The following LYPD6 variants were observed in gnomAD, a reference collection of about 807,000 sequenced individuals.
The protein encoded by LYPD6 is ly6/PLAUR domain-containing protein 6.
In LYPD6, 15 loss-of-function variants were observed where a neutral mutation model predicts 22.7. The ratio of observed to expected loss-of-function variants is 0.66; its 90% CI spans 0.44 to 1.02. LYPD6 has a LOEUF of 1.02. Among genes scored for constraint, LYPD6 ranks in the 50% least tolerant of loss-of-function variants. The probability of loss-of-function intolerance (pLI) is 0.00; values close to 1 mark genes in which losing one functional copy is unlikely to be tolerated. For synonymous variants in LYPD6, 72 were observed against 77.5 expected, an observed-to-expected ratio of 0.93 and a Z score of 0.37; for missense variants, 189 against 208.4, an observed-to-expected ratio of 0.91 and a Z score of 0.57.
chr2:149,430,193 G>A (rs949590422), intron 1 of LYPD6, among the ~76,000 whole-genome samples: 1 of 152,102 alleles, frequency 6.6e-6, no homozygotes, highest in Non-Finnish European at 1.5e-5. Context: ...TCCGCCTCCC[G>A]GGTTCAAGCA....
At chr2:149,476,545 G>T (rs182114636), downstream of LYPD6, among the ~76,000 whole-genome samples, 13 of 152,114 alleles carry the variant, frequency 8.5e-5, no homozygotes, top group African/African-American at 3.1e-4. Context: ...GACAGGGCTT[G>T]TGTTGTCTAA....
rs545177273 is a variant in LYPD6 at position 149,388,166 on chromosome 2, TTCTC to T, written c.-71-49460_-71-49457del. 9.2e-3 allele frequency among the ~76,000 whole-genome samples: 924 copies of T among 100,116 alleles called. 10 individuals are homozygous for T. Among genetic ancestry groups the T allele is most frequent in the Non-Finnish European group, 0.014 (603 of 42,284 alleles). 65.7% of individuals were successfully genotyped at this position (100,116 alleles called of 152,430 possible). On this transcript the variant is annotated intron_variant, in intron 1 of 4. Coordinates refer to ENST00000334166, the MANE Select transcript of LYPD6 (RefSeq NM_194317.5). ...ATTAAATATGTGTAACTACCTTTCTTTCTCTCTCTCTCTCTTTTTTTTTTTTTTG... is the reference window on the plus strand; with the variant it reads ...ATTAAATATGTGTAACTACCTTTCTTTCTCTCTCTCTTTTTTTTTTTTTTG...
At chr2:149,431,592 A>G (rs1683313825) in intron 1 of LYPD6, among the ~76,000 whole-genome samples, 1 of 152,230 alleles carries the variant, frequency 6.6e-6, no homozygotes, top group Non-Finnish European at 1.5e-5. Flanking sequence ...GGTGATATGA[A>G]TAAACAGTCC....
intron 2 of LYPD6, among the ~76,000 whole-genome samples, chr2:149,441,255 T>C (rs1314141680): frequency 1.3e-5 from 2 of 152,208 alleles, no homozygotes; most frequent in African/African-American, 2.4e-5. Flanking sequence ...ACTTTGTAGA[T>C]GAAGGCACAA....
intron 3 of LYPD6, among the ~76,000 whole-genome samples, chr2:149,453,934 A>G (rs1347075966): frequency 6.6e-6 from 1 of 152,158 alleles, no homozygotes; most frequent in Non-Finnish European, 1.5e-5. Flanking sequence ...ATTATGGCTT[A>G]TCTTTTAACA....
chr2:149,478,400 G>GTGTGTGTGTGCA (rs67247003), downstream of LYPD6, among the ~76,000 whole-genome samples: 1 of 8,586 alleles, frequency 1.2e-4, no homozygotes, highest in African/African-American at 1.8e-4. Flanking sequence ...GTGTGTGTGT[G>GTGTGTGTGTGCA]CGCGCACGCA....
At chr2:149,377,799 C>G (rs1043519585) in intron 1 of LYPD6, among the ~76,000 whole-genome samples, 8 of 136,060 alleles carry the variant, frequency 5.9e-5, no homozygotes, top group Non-Finnish European at 1.1e-4. Flanking sequence ...CCCCACCCCC[C>G]CAAAAAAGCA....
chr2:149,382,331 G>C (rs1167699941), intron 1 of LYPD6, among the ~76,000 whole-genome samples: 3 of 152,152 alleles, frequency 2.0e-5, no homozygotes, highest in Non-Finnish European at 4.4e-5. Flanking sequence ...ATACGCATAA[G>C]TAATATTGGG....
intron 1 of LYPD6, among the ~76,000 whole-genome samples, chr2:149,385,836 GAGA>G (rs1047226702): frequency 6.6e-5 from 10 of 152,084 alleles, no homozygotes; most frequent in African/African-American, 1.9e-4. Context: ...GAGAGAGGCA[GAGA>G]AGAAGTGAGG....
In LYPD6 at chr2:149,387,914, C is replaced by G. The variant is rs562835096; in HGVS notation, c.-71-49724C>G. ...AAGGTGGGGTCTACATGAAATATGACCTTGGTGTTATACTAAGCAGTTTTG... is the reference window on the plus strand; with the variant it reads ...AAGGTGGGGTCTACATGAAATATGAGCTTGGTGTTATACTAAGCAGTTTTG... On this transcript the variant is annotated intron_variant, in intron 1 of 4. Transcript: ENST00000334166. Among the ~76,000 whole-genome samples the G allele has an allele frequency of 1.3e-3, 199 of 152,208 alleles. 1 individual carries two copies. Among genetic ancestry groups the G allele is most frequent in the Non-Finnish European group, 2.0e-3 (137 of 67,998 alleles).
intron 1 of LYPD6, among the ~76,000 whole-genome samples, chr2:149,360,034 G>T (rs1681541515): frequency 6.6e-6 from 1 of 152,162 alleles, no homozygotes; most frequent in African/African-American, 2.4e-5. Flanking sequence ...GAGTTTTCTG[G>T]GAAAGAGGTA....
intron 1 of LYPD6, among the ~76,000 whole-genome samples, chr2:149,431,779 A>T (rs902026423): frequency 1.5e-4 from 23 of 152,348 alleles, no homozygotes; most frequent in African/African-American, 5.3e-4. Context: ...CTCTATCAAA[A>T]TTAAAAACTT....
chr2:149,400,487 C>T (rs553923489), intron 1 of LYPD6, among the ~76,000 whole-genome samples: 147 of 152,210 alleles, frequency 9.7e-4, no homozygotes, highest in Middle Eastern at 3.4e-3. Context: ...GCATGAGAGA[C>T]GAACAAGTAT....
chr2:149,399,185 TA>T (rs1046868814), intron 1 of LYPD6, among the ~76,000 whole-genome samples: 167 of 152,068 alleles, frequency 1.1e-3, no homozygotes, highest in African/African-American at 3.9e-3. Context: ...AATTTGGAAT[TA>T]AAAAAAATAC....
intron 1 of LYPD6, among the ~76,000 whole-genome samples, chr2:149,377,833 G>T (rs1573753981): frequency 8.1e-6 from 1 of 123,512 alleles, no homozygotes; most frequent in Non-Finnish European, 1.6e-5. Flanking sequence ...GGGCACCTCT[G>T]ATCCTTCCAG....
In LYPD6 at chr2:149,457,026, T is replaced by C. The variant is rs555368690; in HGVS notation, c.217+7879T>C. 6.8e-4 allele frequency among the ~76,000 whole-genome samples: 103 copies of C among 152,354 alleles called. 1 individual carries two copies. Among genetic ancestry groups the C allele is most frequent in the Non-Finnish European group, 7.3e-4 (50 of 68,030 alleles). On this transcript the variant is annotated intron_variant, in intron 3 of 4. Transcript: ENST00000334166. ...TATAATTTATTCATTCTGTCGCTAA[T>C]TGACATTTTTACAGCGTGTTTGTAC...
intron 1 of LYPD6, among the ~76,000 whole-genome samples, chr2:149,421,623 G>A (rs1683083399): frequency 6.6e-6 from 1 of 152,006 alleles, no homozygotes; most frequent in African/African-American, 2.4e-5. Flanking sequence ...TATAGTAAGT[G>A]CTCAATAAAC....
At chr2:149,332,527 G>A (rs1680958633) in intron 1 of LYPD6, among the ~76,000 whole-genome samples, 1 of 152,184 alleles carries the variant, frequency 6.6e-6, no homozygotes, top group East Asian at 1.9e-4. Context: ...AGTGTCTGAG[G>A]AAATCATATC....
At chr2:149,478,824 C>T (rs1558822983), downstream of LYPD6, among the ~76,000 whole-genome samples, 7 of 152,210 alleles carry the variant, frequency 4.6e-5, no homozygotes, top group Admixed American at 4.6e-4. Flanking sequence ...GGCACTTCAC[C>T]CCTGGTACTT....
Sources: gnomAD v4.1 joint callset for allele counts (sites outside exome capture counted in the v4.1 genomes callset) on GRCh38, gnomAD v4.1.1 for gene constraint, MANE v1.5 for transcripts, NCBI Gene and HGNC (gene_info 2026-07-23, HGNC 2026-07-21) for gene names.